Variants in SSX1 observed in about 807,000 individuals in gnomAD.
SSX1 encodes SSX family member 1.
A neutral mutation model predicts 14.6 loss-of-function variants in SSX1; 58 were observed. The ratio of observed to expected loss-of-function variants is 3.96; its 90% CI spans 3.21 to 4.93. The LOEUF is 4.93. Among genes scored for constraint, SSX1 ranks in the 30% most tolerant of loss-of-function variants. The pLI is 0.00. For synonymous variants in SSX1, 46 were observed against 52.1 expected, an observed-to-expected ratio of 0.88 and a Z score of 0.50; for missense variants, 272 against 143.1, an observed-to-expected ratio of 1.90 and a Z score of -4.60.
At chrX:48,265,372 T>C in intron 6 of SSX1, among the ~76,000 whole-genome samples, 1 of 112,053 alleles carries the variant, frequency 8.9e-6, no homozygotes, top group Non-Finnish European at 1.9e-5. Flanking sequence ...AGAATGCGAC[T>C]CTTCCTTTCA....
chrX:48,258,078 C>G (rs1344411483), intron 3 of SSX1, among the ~76,000 whole-genome samples: 1 of 108,557 alleles, frequency 9.2e-6, no homozygotes, highest in Non-Finnish European at 1.9e-5. Context: ...TTGCACTTTT[C>G]TCTCCCTTAG....
chrX:48,257,188 G>A, intron 1 of SSX1, 34 bp from the exon 2 acceptor site: 1 of 1,173,508 alleles, frequency 8.5e-7, no homozygotes, highest in Non-Finnish European at 1.2e-6. Context: ...CAAGGGTCCT[G>A]TAGCTAGAAA....
intron 6 of SSX1, among the ~76,000 whole-genome samples, chrX:48,265,884 T>TA (rs782395524): frequency 1.1e-4 from 12 of 111,317 alleles, no homozygotes; most frequent in Non-Finnish European, 2.1e-4. Flanking sequence ...ACAGATATAA[T>TA]AATAATGGAA....
intron 1 of SSX1, among the ~76,000 whole-genome samples, chrX:48,256,856 G>A (rs1250995494): frequency 2.7e-5 from 3 of 109,421 alleles, no homozygotes; most frequent in African/African-American, 1.0e-4. Flanking sequence ...TTGAGTGGGG[G>A]TGTCAGAACG....
intron 4 of SSX1, among the ~76,000 whole-genome samples, chrX:48,261,337 G>C (rs1212094115): frequency 8.9e-6 from 1 of 111,789 alleles, no homozygotes; most frequent in African/African-American, 3.2e-5. Flanking sequence ...AAATATTTCA[G>C]AGCCACTGGA....
intron 4 of SSX1, among the ~76,000 whole-genome samples, chrX:48,261,362 G>A (rs1290384958): frequency 4.5e-5 from 5 of 111,940 alleles, no homozygotes; most frequent in African/African-American, 1.6e-4. Flanking sequence ...ATCATCCATG[G>A]TTCATCACAC....
Position 48,257,820 on chromosome X carries a change from T to C in SSX1, c.144T>C (p.Tyr48=). ...TGAAATACTCGGAGAAAATCAGCTA[T>C]GTGTATATGAAGAGAAACTATAAGG... is the stretch of plus-strand genomic sequence containing the variant. ...KKMKYSEKIS[Y]VYMKRNYKAM... The change falls in exon 3 of 8, where the codon TAT becomes TAC. Residue 48 remains tyrosine (Y), a synonymous_variant. Coordinates refer to ENST00000376919, the MANE Select transcript of SSX1 (RefSeq NM_005635.4). The C allele has an allele frequency of 8.3e-7, 1 of 1,205,360 alleles. No individual in the cohort carries two copies. Among genetic ancestry groups the C allele is most frequent in the South Asian group, 1.8e-5 (1 of 56,389 alleles).
intron 1 of SSX1, 128 bp from the exon 2 acceptor site, chrX:48,257,094 G>T: frequency 1.8e-6 from 1 of 570,985 alleles, no homozygotes; most frequent in Non-Finnish European, 2.9e-6. Context: ...CCATGGACAG[G>T]TAAGCCCCGA....
chrX:48,265,744 A>G (rs1556936293), intron 6 of SSX1, among the ~76,000 whole-genome samples: 1 of 112,028 alleles, frequency 8.9e-6, no homozygotes, highest in Non-Finnish European at 1.9e-5. Context: ...GTGTATCAAA[A>G]TATCTCACGT....
intron 4 of SSX1, 32 bp from the exon 5 acceptor site, chrX:48,261,734 A>T: frequency 8.3e-7 from 1 of 1,208,180 alleles, no homozygotes; most frequent in Non-Finnish European, 1.1e-6. Flanking sequence ...ATCTTTACCA[A>T]CAAAGAAAAA....
At chrX:48,258,468 A>C in intron 3 of SSX1, 68 bp from the exon 4 acceptor site, 1 of 854,812 alleles carries the variant, frequency 1.2e-6, no homozygotes, top group Non-Finnish European at 1.7e-6. Context: ...TGCCGGTACT[A>C]CAGACATGAG....
rs5902417 is a variant in SSX1 at position 48,266,979 on chromosome X, G to GA, written c.*133dup. On this transcript the variant is annotated 3_prime_UTR_variant, in exon 8 of 8. Coordinates refer to ENST00000376919, the MANE Select transcript of SSX1 (RefSeq NM_005635.4). ...AGTGAAAGCAAGTGTTCACAACGGT[G>GA]AAACTTGAGCGTCATTTTTCTTAGT... is the stretch of plus-strand genomic sequence containing the variant. 0.41 allele frequency: 306,984 copies of GA among 753,284 alleles called. 46,166 individuals are homozygous for GA. The highest frequency in any genetic ancestry group is 0.43 in the Non-Finnish European group (213,911 of 500,180). 62.1% of individuals were successfully genotyped at this position (753,284 alleles called of 1,213,427 possible).
intron 4 of SSX1, 55 bp downstream of exon 4, chrX:48,258,686 C>T: frequency 1.1e-6 from 1 of 950,158 alleles, no homozygotes. Flanking sequence ...TGCTTTTCAG[C>T]TCAGCTACCT....
intron 6 of SSX1, among the ~76,000 whole-genome samples, chrX:48,266,064 C>T (rs1416085881): frequency 3.6e-5 from 4 of 111,848 alleles, no homozygotes; most frequent in African/African-American, 9.7e-5. Flanking sequence ...GTAATCTAAA[C>T]GTCACAACAG....
At chrX:48,263,575 T>C (rs2059612457) in intron 5 of SSX1, among the ~76,000 whole-genome samples, 2 of 111,717 alleles carry the variant, frequency 1.8e-5, no homozygotes, top group South Asian at 7.6e-4. Context: ...AGTGTGAAGA[T>C]AAGCATTCTA....
chrX:48,257,731 T>G lies in SSX1; in HGVS notation c.70-15T>G. ...CTAGCTGAGTCACTGACAAATTTTA[T>G]TTTATTTTTTTTAGGCCTTTGATGA... is the stretch of plus-strand genomic sequence containing the variant. On this transcript the variant is annotated splice_polypyrimidine_tract_variant and intron_variant, in intron 2 of 7. Transcript: ENST00000376919. 8.4e-7 allele frequency: 1 copy of G among 1,189,039 alleles called. No homozygotes were observed. The highest frequency in any genetic ancestry group is 1.1e-6 in the Non-Finnish European group (1 of 878,685).
chrX:48,266,329 A>T lies in SSX1; in HGVS notation c.509A>T (p.Glu170Val). Residue 170 changes from glutamate (E) to valine (V), a missense_variant, in exon 7 of 8, where the codon GAG becomes GTG. Coordinates refer to ENST00000376919, the MANE Select transcript of SSX1 (RefSeq NM_005635.4). ...GKHAWTHRLR[E>V]RKQLVIYEEI... ...CATGCCTGGACCCACAGACTGCGTG[A>T]GAGAAAGCAGCTGGTGATTTATGAA... 8.3e-7 allele frequency: 1 copy of T among 1,210,229 alleles called. No individual in the cohort carries two copies. Among genetic ancestry groups the T allele is most frequent in the Non-Finnish European group, 1.1e-6 (1 of 895,371 alleles).
At chrX:48,257,688 G>A in intron 2 of SSX1, 58 bp from the exon 3 acceptor site, 3 of 1,159,618 alleles carry the variant, frequency 2.6e-6, no homozygotes, top group South Asian at 3.7e-5. Context: ...AGCGGCTCCA[G>A]CTGAATGGCA....
chrX:48,256,153 T>A (rs1261222416), intron 1 of SSX1, among the ~76,000 whole-genome samples: 1 of 103,438 alleles, frequency 9.7e-6, no homozygotes, highest in African/African-American at 3.6e-5. Flanking sequence ...ACCACCTCGC[T>A]GATGTTATTA....
Sources: gnomAD v4.1 joint callset for allele counts (sites outside exome capture counted in the v4.1 genomes callset) on GRCh38, gnomAD v4.1.1 for gene constraint, MANE v1.5 for transcripts, NCBI Gene and HGNC (gene_info 2026-07-23, HGNC 2026-07-21) for gene names.